PACRG: variants seen among roughly 807,000 people sequenced by gnomAD.
PACRG encodes the protein parkin coregulated.
In PACRG, 29 loss-of-function variants were observed where a neutral mutation model predicts 29.7. The observed-to-expected ratio is 0.98, with a 90% CI of 0.73 to 1.33. PACRG has a LOEUF of 1.33. Among genes scored for constraint, PACRG ranks in the 40% most tolerant of loss-of-function variants. PACRG has a pLI of 0.00. For synonymous variants in PACRG, 116 were observed against 118.7 expected, an observed-to-expected ratio of 0.98 and a Z score of 0.15; for missense variants, 279 against 316.2, an observed-to-expected ratio of 0.88 and a Z score of 0.89.
At chr6:163,119,464 C>T (rs1816164986) in intron 4 of PACRG, among the ~76,000 whole-genome samples, 1 of 152,134 alleles carries the variant, frequency 6.6e-6, no homozygotes, top group Admixed American at 6.5e-5. Context: ...TGATTGGTGC[C>T]CAGCAGCTCT....
intron 2 of PACRG, among the ~76,000 whole-genome samples, chr6:162,863,792 A>G (rs1356262535): frequency 1.3e-5 from 2 of 152,252 alleles, no homozygotes; most frequent in African/African-American, 4.8e-5. Flanking sequence ...TAATAAATGG[A>G]TAAAACCAAG....
At chr6:162,964,277 C>T (rs4296874) in intron 2 of PACRG, among the ~76,000 whole-genome samples, 79,837 of 152,022 alleles carry the variant, frequency 0.53, 21,859 homozygotes, top group Middle Eastern at 0.69. Flanking sequence ...AAGTGAGCTT[C>T]TCTGAAGGTA....
chr6:163,021,910 TATG>T lies in PACRG; in HGVS notation c.292-40237_292-40235del, dbSNP rs564780187. 3.6e-3 allele frequency among the ~76,000 whole-genome samples: 546 copies of T among 152,372 alleles called. 2 individuals are homozygous for T. Among genetic ancestry groups the T allele is most frequent in the African/African-American group, 0.013 (523 of 41,592 alleles). ...ATAATGTGTTTACTTTTCATAATTT[TATG>T]ATAACATTCTCTTATAAAGATCAAT... On this transcript the variant is annotated intron_variant, in intron 2 of 4. Coordinates refer to ENST00000366888, the MANE Select transcript of PACRG (RefSeq NM_001080379.2).
chr6:162,863,928 C>G (rs897884959), intron 2 of PACRG, among the ~76,000 whole-genome samples: 4 of 152,128 alleles, frequency 2.6e-5, no homozygotes, highest in Non-Finnish European at 4.4e-5. Flanking sequence ...TATTTTGAGG[C>G]CTTCCATTGC....
intron 4 of PACRG, among the ~76,000 whole-genome samples, chr6:163,225,431 A>G (rs991062261): frequency 4.6e-5 from 7 of 152,196 alleles, no homozygotes; most frequent in Non-Finnish European, 7.3e-5. Context: ...TGTAAGGTGT[A>G]TCTCTTCCAC....
intron 4 of PACRG, among the ~76,000 whole-genome samples, chr6:163,180,756 G>A (rs1487673724): frequency 6.6e-6 from 1 of 152,034 alleles, no homozygotes; most frequent in African/African-American, 2.4e-5. Context: ...GGCCAAAAAG[G>A]CACTGTTTCT....
chr6:163,208,119 T>C (rs1780983681), intron 4 of PACRG, among the ~76,000 whole-genome samples: 1 of 152,252 alleles, frequency 6.6e-6, no homozygotes, highest in Non-Finnish European at 1.5e-5. Context: ...ATTTGAATTC[T>C]ATTGTAGTTA....
intron 3 of PACRG, among the ~76,000 whole-genome samples, chr6:163,074,096 G>A (rs1812321366): frequency 6.6e-6 from 1 of 152,106 alleles, no homozygotes; most frequent in African/African-American, 2.4e-5. Flanking sequence ...AAGGAAATCA[G>A]TATATCAAAG....
At chr6:162,975,927 C>T (rs1408361443) in intron 2 of PACRG, among the ~76,000 whole-genome samples, 1 of 152,074 alleles carries the variant, frequency 6.6e-6, no homozygotes, top group Non-Finnish European at 1.5e-5. Flanking sequence ...AGTTACAAAC[C>T]TGCCCCCTCG....
At chr6:163,097,156 A>G (rs1415576505) in intron 4 of PACRG, among the ~76,000 whole-genome samples, 1 of 151,950 alleles carries the variant, frequency 6.6e-6, no homozygotes, top group Non-Finnish European at 1.5e-5. Flanking sequence ...ACCTCTTTCC[A>G]CTGTGTTCTG....
intron 4 of PACRG, among the ~76,000 whole-genome samples, chr6:163,287,501 C>T (rs1249535755): frequency 6.6e-6 from 1 of 152,170 alleles, no homozygotes; most frequent in South Asian, 2.1e-4. Flanking sequence ...CCTCACAGCC[C>T]GCAGGATCTG....
chr6:163,149,207 T>G (rs1218683012), intron 4 of PACRG, among the ~76,000 whole-genome samples: 2 of 151,976 alleles, frequency 1.3e-5, no homozygotes, highest in Non-Finnish European at 2.9e-5. Context: ...TCGGGTGTCC[T>G]CACTCCCTCC....
At chr6:163,254,894 C>T (rs987006119) in intron 4 of PACRG, among the ~76,000 whole-genome samples, 2 of 152,250 alleles carry the variant, frequency 1.3e-5, no homozygotes, top group Non-Finnish European at 2.9e-5. Flanking sequence ...TCTTCAGCCT[C>T]ACTCTTTTCC....
chr6:162,951,658 CAG>C (rs1410058776), intron 2 of PACRG, among the ~76,000 whole-genome samples: 3 of 152,230 alleles, frequency 2.0e-5, no homozygotes, highest in Non-Finnish European at 2.9e-5. Flanking sequence ...GTTGGCCATG[CAG>C]AGTCTGTTTT....
intron 1 of PACRG, among the ~76,000 whole-genome samples, chr6:162,765,707 G>A (rs1324503480): frequency 1.3e-5 from 2 of 151,874 alleles, no homozygotes; most frequent in Non-Finnish European, 2.9e-5. Flanking sequence ...GGAGCATTTC[G>A]GGGGGCATTT....
intron 4 of PACRG, among the ~76,000 whole-genome samples, chr6:163,304,860 C>A (rs543062686): frequency 1.3e-5 from 2 of 152,246 alleles, no homozygotes; most frequent in South Asian, 4.2e-4. Context: ...GGTTTTGAAT[C>A]GGATCCATTA....
intron 3 of PACRG, among the ~76,000 whole-genome samples, chr6:163,070,959 T>C (rs935179088): frequency 2.0e-5 from 3 of 151,786 alleles, no homozygotes; most frequent in Non-Finnish European, 4.4e-5. Context: ...GAAACAAAGA[T>C]ATAATGATAA....
intron 2 of PACRG, among the ~76,000 whole-genome samples, chr6:162,976,011 A>G (rs1003128669): frequency 1.3e-5 from 2 of 152,168 alleles, no homozygotes; most frequent in African/African-American, 2.4e-5. Flanking sequence ...ATTTGAGACA[A>G]GAGCAGAAAT....
intron 2 of PACRG, among the ~76,000 whole-genome samples, chr6:163,049,537 G>GA (rs536534811): frequency 3.7e-4 from 56 of 151,768 alleles, no homozygotes; most frequent in Non-Finnish European, 5.6e-4. Context: ...CATGGCAAAA[G>GA]AAAAAATTGA....
Sources: allele counts gnomAD v4.1 joint callset (sites outside exome capture counted in the v4.1 genomes callset), GRCh38; gene constraint gnomAD v4.1.1; transcripts MANE v1.5; gene names NCBI Gene and HGNC (gene_info 2026-07-23, HGNC 2026-07-21).